Variants in TFAP2E observed in about 807,000 individuals in gnomAD.
TFAP2E encodes the protein transcription factor AP-2-epsilon.
Under a neutral mutation model 37.9 loss-of-function variants are expected in TFAP2E, and 30 were observed. That is an observed-to-expected ratio of 0.79 (90% CI 0.59 to 1.07). The LOEUF is 1.07. Ranked by LOEUF, TFAP2E falls within the 50% of genes least tolerant of loss-of-function variation. The pLI is 0.00. For synonymous variants in TFAP2E, 318 were observed against 295.8 expected (o/e 1.08, Z -0.77); for missense variants, 567 against 637.9 (o/e 0.89, Z 1.20).
At position 35,574,131 on chromosome 1, in the gene TFAP2E, C is replaced by T. The variant is rs1649093948; in HGVS notation, c.232C>T (p.His78Tyr). ...GCCCGACGCCGCCGCAGCCTTTCCC[C>T]ACCTGGCAGGGGACCCATATGGCGG... is the stretch of plus-strand genomic sequence containing the variant. ...QAPDAAAAFP[H>Y]LAGDPYGGLA... Residue 78 changes from histidine to tyrosine, a missense_variant, in exon 2 of 7, where the codon CAC (histidine) becomes TAC (tyrosine). Physicochemically the swap from His to Tyr is moderately conservative, Grantham distance 83 (BLOSUM62 2). This residue lies in a region of TFAP2E where 312 missense variants were observed against 317.4 expected (regional missense o/e 0.98). Transcript: ENST00000373235. 6.9e-7 allele frequency: 1 copy of T among 1,453,302 alleles called. No individual in the cohort carries two copies. Among genetic ancestry groups the T allele is most frequent in the African/African-American group, 1.5e-5 (1 of 67,114 alleles). The allele number at this position is 1,453,302 out of a possible 1,614,324, so 90.0% of individuals were successfully genotyped here. A position where few individuals can be genotyped will look rare whatever the true frequency, so the allele number is the denominator to read the frequency against.
Position 35,574,958 on chromosome 1 carries a change from G to C in TFAP2E, c.520G>C (p.Glu174Gln), listed in dbSNP as rs770123618. The C allele has an allele frequency of 1.2e-6, 2 of 1,613,958 alleles. No individual in the cohort carries two copies. ...CCTCTGCTATTTGCAGGCAATGGAC[G>C]AGCCGGGAATGAGCCTCCTAGACCA... is the stretch of plus-strand genomic sequence containing the variant. Reference protein sequence around the residue: ...PGLEDLQAMDEPGMSLLDQSV... With the variant: ...PGLEDLQAMDQPGMSLLDQSV... Residue 174 changes from glutamate (E) to glutamine (Q), a missense_variant, in exon 3 of 7, where the codon GAG becomes CAG. Glu to Gln is a conservative substitution (Grantham distance 29). This residue lies in a region of TFAP2E where 312 missense variants were observed against 317.4 expected (regional missense o/e 0.98). Coordinates refer to ENST00000373235, the MANE Select transcript of TFAP2E (RefSeq NM_178548.4).
intron 4 of TFAP2E, 128 bp from the exon 5 acceptor site, chr1:35,589,802 C>A: frequency 1.1e-6 from 1 of 924,676 alleles, no homozygotes. Context: ...CTCAGAGCAT[C>A]CCCAGGACCA....
At chr1:35,591,716 C>T (rs1012046036) in intron 6 of TFAP2E, among the ~76,000 whole-genome samples, 13 of 152,304 alleles carry the variant, frequency 8.5e-5, no homozygotes, top group South Asian at 2.1e-4. Flanking sequence ...GATGGAGTTT[C>T]GCTCTTGTTT....
In TFAP2E at chr1:35,580,219, A is replaced by AG. The variant is rs1290467765; in HGVS notation, c.562+5220dup. ...GAGCAAAACTCCATCTTAAAAAAAA[A>AG]GAAAGAAAGAAACCCTCTGGCAGTT... On this transcript the variant is annotated intron_variant, in intron 3 of 6. Transcript: ENST00000373235. Among the ~76,000 whole-genome samples, 12 of 152,200 alleles carry AG rather than the reference A, an allele frequency of 7.9e-5. 1 individual carries two copies. In the South Asian group the frequency reaches 2.3e-3, roughly 29 times the overall value.
At chr1:35,584,785 C>T (rs902203878) in intron 3 of TFAP2E, among the ~76,000 whole-genome samples, 14 of 152,228 alleles carry the variant, frequency 9.2e-5, no homozygotes, top group African/African-American at 1.9e-4. Flanking sequence ...CCTCCCACCT[C>T]GGCCTCCCAA....
intron 6 of TFAP2E, among the ~76,000 whole-genome samples, chr1:35,591,652 C>A (rs1025883886): frequency 3.3e-5 from 5 of 152,204 alleles, no homozygotes; most frequent in Non-Finnish European, 7.3e-5. Context: ...CACCTCAGGG[C>A]CTGTTTAACA....
In TFAP2E at chr1:35,577,778, G is replaced by A. The variant is rs995720821; in HGVS notation, c.562+2778G>A. The A allele has an allele frequency of 4.2e-6, 1 of 235,976 alleles. No homozygotes were observed. The highest frequency in any genetic ancestry group is 4.6e-5 in the South Asian group (1 of 21,786). 14.6% of individuals were successfully genotyped at this position (235,976 alleles called of 1,614,324 possible). On this transcript the variant is annotated intron_variant, in intron 3 of 6. Coordinates refer to ENST00000373235, the MANE Select transcript of TFAP2E (RefSeq NM_178548.4). This position sits in a 1 kb window ranked among gnomAD's most constrained non-coding sequence, Gnocchi z 6.3. ...CTGACTGCAGGCAAGCGTCCGGGAG[G>A]GGCGGCCAGGCGAAGCCCCGGCGCT...
chr1:35,588,560 G>T lies in TFAP2E; in HGVS notation c.785+8G>T. 4.5e-6 allele frequency: 7 copies of T among 1,562,390 alleles called. No homozygotes were observed. The highest frequency in any genetic ancestry group is 5.2e-6 in the Non-Finnish European group (6 of 1,152,056). Reference sequence around the variant, plus strand: ...GGGGGGTGTCCTCCGCAGGTAGGAAGGCCAGCCCACAATTCCCCGCCTGAT... The same window carrying T: ...GGGGGGTGTCCTCCGCAGGTAGGAATGCCAGCCCACAATTCCCCGCCTGAT... On this transcript the variant is annotated splice_region_variant and intron_variant, in intron 4 of 6. Transcript: ENST00000373235. This position sits in a 1 kb window ranked among gnomAD's most constrained non-coding sequence, Gnocchi z 5.1.
At chr1:35,583,648 C>G (rs1557435794) in intron 3 of TFAP2E, among the ~76,000 whole-genome samples, 1 of 139,554 alleles carries the variant, frequency 7.2e-6, no homozygotes, top group Non-Finnish European at 1.5e-5. Flanking sequence ...GTGTGAATGG[C>G]TTCTGCATAT....
chr1:35,576,301 G>A (rs997727841), intron 3 of TFAP2E, among the ~76,000 whole-genome samples: 1 of 152,142 alleles, frequency 6.6e-6, no homozygotes, highest in East Asian at 1.9e-4. Flanking sequence ...GGAAGTGGGT[G>A]GGGGGAGGTG....
At position 35,594,737 on chromosome 1, in the gene TFAP2E, G is replaced by C; in HGVS notation, c.*61G>C. The C allele has an allele frequency of 1.2e-6, 2 of 1,605,418 alleles. No homozygotes were observed. The highest frequency in any genetic ancestry group is 2.2e-5 in the South Asian group (2 of 90,678). On this transcript the variant is annotated 3_prime_UTR_variant, in exon 7 of 7. Coordinates refer to ENST00000373235, the MANE Select transcript of TFAP2E (RefSeq NM_178548.4). ...GCCCTGAAATAGGGACTTAGCTCTT[G>C]GGGGTGGGCCTGGAAGGACTGAAAG...
rs1649216317 is a variant in TFAP2E, at chr1:35,577,549, CT to C, written c.562+2550del. ...CTGAAGCGTCGGATCCCTACAGTGC[CT>C]CCCAGCCTGGGCGGGAGCGGCGGCT... On this transcript the variant is annotated intron_variant, in intron 3 of 6. Transcript: ENST00000373235. The surrounding 1 kb of genome is among the most constrained non-coding windows in gnomAD (Gnocchi z 6.3). 1 of 408,968 alleles carries C rather than the reference CT, an allele frequency of 2.4e-6. No individual in the cohort carries two copies. Among genetic ancestry groups the C allele is most frequent in the African/African-American group, 2.1e-5 (1 of 48,434 alleles). 25.3% of individuals were successfully genotyped at this position (408,968 alleles called of 1,614,324 possible).
At position 35,594,617 on chromosome 1, in the gene TFAP2E, GT is replaced by G. The variant is rs1295922968; in HGVS notation, c.1271del (p.Val424GlyfsTer38). 1.2e-6 allele frequency: 2 copies of G among 1,614,108 alleles called. No homozygotes were observed. The highest frequency in any genetic ancestry group is 3.3e-5 in the Admixed American group (2 of 60,010). Reference protein sequence around the residue: ...KGLDKMFLSSVGSGHGETKAS... With the variant: ...KGLDKMFLSSXGSGHGETKAS... ...GCTGGACAAGATGTTTCTAAGCAGT[GT>G]GGGCAGTGGGCATGGTGAAACCAAG... On this transcript the variant is annotated frameshift_variant, in exon 7 of 7. Coordinates refer to ENST00000373235, the MANE Select transcript of TFAP2E (RefSeq NM_178548.4). LOFTEE classifies it high-confidence loss of function.
intron 3 of TFAP2E, among the ~76,000 whole-genome samples, chr1:35,583,409 G>C (rs1222319024): frequency 1.3e-5 from 2 of 152,094 alleles, no homozygotes; most frequent in Non-Finnish European, 2.9e-5. Context: ...TTCCAAAGTG[G>C]TAGGATTACA....
chr1:35,585,158 T>C (rs1649450986), intron 3 of TFAP2E, among the ~76,000 whole-genome samples: 2 of 152,098 alleles, frequency 1.3e-5, no homozygotes, highest in Admixed American at 6.5e-5. Flanking sequence ...GAAGGAGCAC[T>C]GTGGGGCTCA....
At chr1:35,585,340 CACAA>C (rs1391072371) in intron 3 of TFAP2E, among the ~76,000 whole-genome samples, 1 of 152,194 alleles carries the variant, frequency 6.6e-6, no homozygotes, top group Non-Finnish European at 1.5e-5. Context: ...AAAACAAAAA[CACAA>C]ACAAACCAGG....
At chr1:35,579,864 G>A (rs1649295711) in intron 3 of TFAP2E, among the ~76,000 whole-genome samples, 1 of 152,162 alleles carries the variant, frequency 6.6e-6, no homozygotes, top group African/African-American at 2.4e-5. Flanking sequence ...AATGGTGGGA[G>A]CTATGGAAAA....
rs1265510308 is a variant in TFAP2E, at chr1:35,573,660, C to CT, written c.27+57dup. The CT allele has an allele frequency of 3.3e-6, 5 of 1,532,636 alleles. No individual in the cohort carries two copies. The highest frequency in any genetic ancestry group is 2.3e-4 in the Middle Eastern group (1 of 4,304). The allele number at this position is 1,532,636 out of a possible 1,614,324, so 94.9% of individuals were successfully genotyped here. On this transcript the variant is annotated intron_variant, in intron 1 of 6. Transcript: ENST00000373235. The surrounding 1 kb of genome is among the most constrained non-coding windows in gnomAD (Gnocchi z 5.9). ...GCCGGGGGATCGGGGCGCCTGAGTGCTGGACTTTCCAACCCTCCTGTCCCG... is the reference window on the plus strand; with the variant it reads ...GCCGGGGGATCGGGGCGCCTGAGTGCTTGGACTTTCCAACCCTCCTGTCCCG...
chr1:35,573,538 T>TCCG lies in TFAP2E; in HGVS notation c.-31_-29dup. The TCCG allele has an allele frequency of 1.3e-6, 2 of 1,510,672 alleles. No individual in the cohort carries two copies. The highest frequency in any genetic ancestry group is 1.8e-6 in the Non-Finnish European group (2 of 1,130,614). The allele number at this position is 1,510,672 out of a possible 1,614,324, so 93.6% of individuals were successfully genotyped here. The stretch of plus-strand genomic sequence containing the variant: ...GCAGCGCTCGCCGTCGGGCTAGGGC[T>TCCG]CCGCCGCCGCCACGCCTCGCGCCCG... On this transcript the variant is annotated 5_prime_UTR_variant, in exon 1 of 7. Transcript: ENST00000373235. This position sits in a 1 kb window ranked among gnomAD's most constrained non-coding sequence, Gnocchi z 5.9.
Sources: allele counts gnomAD v4.1 joint callset (sites outside exome capture counted in the v4.1 genomes callset), GRCh38; gene constraint gnomAD v4.1.1; regional missense constraint gnomAD v4.1.1; non-coding constraint Gnocchi (gnomAD v3.1); transcripts MANE v1.5; gene names NCBI Gene and HGNC (gene_info 2026-07-23, HGNC 2026-07-21).